Variants in FCHO2 observed in about 807,000 individuals in gnomAD.
FCHO2 encodes the protein FCH and mu domain containing endocytic adaptor 2, also known as F-BAR domain only protein 2.
In FCHO2, 43 loss-of-function variants were observed where a neutral mutation model predicts 114.1. The ratio of observed to expected loss-of-function variants is 0.38; its 90% confidence interval spans 0.30 to 0.49. FCHO2 has a LOEUF of 0.49. Among genes scored for constraint, FCHO2 ranks in the 20% least tolerant of loss-of-function variants. The probability of loss-of-function intolerance (pLI) is 0.97; values close to 1 mark genes in which losing one functional copy is unlikely to be tolerated. For synonymous variants in FCHO2, 293 were observed against 315.2 expected, an observed-to-expected ratio of 0.93 and a Z score of 0.75; for missense variants, 807 against 950.4, an observed-to-expected ratio of 0.85 and a Z score of 1.98.
In FCHO2 at chr5:72,968,508, A is replaced by T. The variant is rs970909270; in HGVS notation, c.44A>T (p.Asn15Ile). The T allele has an allele frequency of 6.6e-7, 1 of 1,508,156 alleles. No individual in the cohort carries two copies. The highest frequency in any genetic ancestry group is 8.8e-7 in the Non-Finnish European group (1 of 1,137,060). 93.4% of individuals were successfully genotyped at this position (1,508,156 alleles called of 1,614,324 possible). ...YFVENFWGEK[N>I]SGFDVLYHNM... ...CTTTTTAAATTTTAGGGGGAAAAAAATAGTGGCTTTGATGTCCTCTACCAT... is the reference window on the plus strand; with the variant it reads ...CTTTTTAAATTTTAGGGGGAAAAAATTAGTGGCTTTGATGTCCTCTACCAT... Residue 15 changes from asparagine (N) to isoleucine (I), a missense_variant, in exon 2 of 26, where the codon AAT becomes ATT. Asn to Ile is a moderately radical substitution (Grantham distance 149). Coordinates refer to ENST00000430046, the MANE Select transcript of FCHO2 (RefSeq NM_138782.3).
chr5:73,083,826 G>T (rs1743202980), intron 24 of FCHO2, among the ~76,000 whole-genome samples: 1 of 151,028 alleles, frequency 6.6e-6, no homozygotes, highest in African/African-American at 2.4e-5. Flanking sequence ...CAAGGAGGCG[G>T]AGGTTGCAGT....
chr5:72,982,297 A>G (rs1220851382), intron 2 of FCHO2, among the ~76,000 whole-genome samples: 1 of 152,050 alleles, frequency 6.6e-6, no homozygotes, highest in Non-Finnish European at 1.5e-5. Flanking sequence ...AAATGCTGAA[A>G]TCACCTGCCT....
In FCHO2 at chr5:73,033,314, T is replaced by C. The variant is rs1464621403; in HGVS notation, c.797-1343T>C. Among the ~76,000 whole-genome samples the C allele has an allele frequency of 2.0e-5, 3 of 152,166 alleles. No homozygotes were observed. The East Asian group carries it at 5.8e-4, about 29-fold the overall frequency. ...TCAACTCACTTCTATGACTGTTTTA[T>C]TCTGCTTATTAGTAAATGTTAATTT... On this transcript the variant is annotated intron_variant, in intron 8 of 25. Transcript: ENST00000430046.
intron 11 of FCHO2, among the ~76,000 whole-genome samples, chr5:73,043,154 C>A (rs7725821): frequency 0.3 from 45,105 of 151,528 alleles, 6,922 homozygotes; most frequent in East Asian, 0.44. Flanking sequence ...CTGGTCTTGA[C>A]CTCCTGGCTT....
intron 5 of FCHO2, among the ~76,000 whole-genome samples, chr5:73,000,355 C>T (rs1754367896): frequency 6.6e-6 from 1 of 151,758 alleles, no homozygotes; most frequent in South Asian, 2.1e-4. Flanking sequence ...CCTATAATCC[C>T]AGCTACTCAG....
chr5:72,964,093 T>C (rs1193757703), intron 1 of FCHO2, among the ~76,000 whole-genome samples: 2 of 151,874 alleles, frequency 1.3e-5, no homozygotes, highest in African/African-American at 4.8e-5. Context: ...ATACTTTCAT[T>C]TATAGAACAT....
intron 2 of FCHO2, among the ~76,000 whole-genome samples, chr5:72,973,289 C>T (rs1752672090): frequency 6.6e-6 from 1 of 152,270 alleles, no homozygotes; most frequent in African/African-American, 2.4e-5. Context: ...ACCAGTTCCT[C>T]CTTGTACCTC....
intron 8 of FCHO2, 72 bp from the exon 9 acceptor site, chr5:73,034,585 G>T (rs1330838738): frequency 8.3e-7 from 1 of 1,201,680 alleles, no homozygotes; most frequent in East Asian, 2.6e-5. Context: ...AATTTAAAAT[G>T]TAAAAAAAAA....
intron 24 of FCHO2, among the ~76,000 whole-genome samples, chr5:73,086,181 G>A (rs908892666): frequency 6.6e-6 from 1 of 152,102 alleles, no homozygotes; most frequent in African/African-American, 2.4e-5. Context: ...GTTGCTGACT[G>A]TGTACTCAGA....
At chr5:72,979,646 C>T (rs1214295417) in intron 2 of FCHO2, among the ~76,000 whole-genome samples, 2 of 151,876 alleles carry the variant, frequency 1.3e-5, no homozygotes, top group Non-Finnish European at 2.9e-5. Context: ...CCGCCTCGGC[C>T]TCCCAAAGTG....
intron 6 of FCHO2, among the ~76,000 whole-genome samples, chr5:73,012,384 A>G (rs1042625241): frequency 1.3e-5 from 2 of 152,138 alleles, no homozygotes; most frequent in Admixed American, 6.5e-5. Flanking sequence ...GCGCTTTGGG[A>G]GGCCGCGGCA....
At chr5:73,020,683 T>G (rs751250971) in intron 8 of FCHO2, 8 of 1,165,874 alleles carry the variant, frequency 6.9e-6, no homozygotes, top group Non-Finnish European at 1.0e-5. Context: ...AAGGAACAGT[T>G]TGGTCTCTGT....
At chr5:73,014,439 C>T (rs966476160) in intron 6 of FCHO2, among the ~76,000 whole-genome samples, 1 of 151,808 alleles carries the variant, frequency 6.6e-6, no homozygotes, top group African/African-American at 2.4e-5. Flanking sequence ...CAGGCACGCG[C>T]CACCACGCCT....
At chr5:73,084,353 C>T (rs1371311377) in intron 24 of FCHO2, among the ~76,000 whole-genome samples, 7 of 152,122 alleles carry the variant, frequency 4.6e-5, no homozygotes, top group Admixed American at 4.6e-4. Context: ...GCAACCTCTG[C>T]CTCCCAGGTT....
intron 11 of FCHO2, among the ~76,000 whole-genome samples, chr5:73,047,035 T>C (rs1757092559): frequency 6.6e-6 from 1 of 152,230 alleles, no homozygotes; most frequent in Admixed American, 6.5e-5. Context: ...TTGGCAGCCT[T>C]TTCTTTCCAT....
intron 2 of FCHO2, among the ~76,000 whole-genome samples, chr5:72,979,148 C>T (rs1753040411): frequency 6.6e-6 from 1 of 152,092 alleles, no homozygotes. Context: ...GGAGGAGTCC[C>T]TCTTTTTCTA....
Position 73,068,701 on chromosome 5 carries a change from G to A in FCHO2, c.1501G>A (p.Ala501Thr), listed in dbSNP as rs540161030. The A allele has an allele frequency of 6.2e-7, 1 of 1,612,348 alleles. No homozygotes were observed. The highest frequency in any genetic ancestry group is 8.5e-7 in the Non-Finnish European group (1 of 1,178,948). Residue 501 changes from alanine to threonine, a missense_variant, in exon 19 of 26, where the codon GCA becomes ACA. Transcript: ENST00000430046. ...TTCCAACACCAGCCCACCTCCTGCT[G>A]CACCATTAGCCCGGGCAGAAAGTTC... ...VTSNTSPPPAAPLARAESSSS... is the reference protein window; with the variant it reads ...VTSNTSPPPATPLARAESSSS...
chr5:73,040,388 T>C (rs1756748359), intron 10 of FCHO2, among the ~76,000 whole-genome samples: 1 of 152,134 alleles, frequency 6.6e-6, no homozygotes. Flanking sequence ...ATTTTTGGAT[T>C]AGGGATGCTC....
At chr5:73,061,606 C>A (rs1381996306) in intron 17 of FCHO2, among the ~76,000 whole-genome samples, 3 of 151,928 alleles carry the variant, frequency 2.0e-5, no homozygotes, top group Non-Finnish European at 4.4e-5. Flanking sequence ...CCAGACTTGT[C>A]CCCCAAATCT....
Sources: allele counts gnomAD v4.1 joint callset (sites outside exome capture counted in the v4.1 genomes callset), GRCh38; gene constraint gnomAD v4.1.1; transcripts MANE v1.5; gene names NCBI Gene and HGNC (gene_info 2026-07-23, HGNC 2026-07-21).